Variants in SYNPO2 observed in about 807,000 individuals in gnomAD.
SYNPO2 encodes the protein synaptopodin 2, also known as synaptopodin-2.
Under a neutral mutation model 85.0 loss-of-function variants are expected in SYNPO2, and 56 were observed. That is an observed-to-expected ratio of 0.66 (90% CI 0.53 to 0.82). SYNPO2 has a LOEUF of 0.82. SYNPO2 is among the 40% of genes least tolerant of loss of function. The pLI, the probability that SYNPO2 is intolerant of heterozygous loss-of-function variation, is 0.00. For synonymous variants in SYNPO2, 602 were observed against 591.1 expected (o/e 1.02, Z -0.27); for missense variants, 1,575 against 1,534.2 (o/e 1.03, Z -0.44).
chr4:118,957,488 C>T, intron 1 of SYNPO2, among the ~76,000 whole-genome samples: 1 of 152,110 alleles, frequency 6.6e-6, no homozygotes, highest in Non-Finnish European at 1.5e-5. Context: ...GTAACCTCTT[C>T]AGACTTTTTG....
At chr4:118,858,513 C>G (rs1258403359) in intron 1 of SYNPO2, among the ~76,000 whole-genome samples, 1 of 152,270 alleles carries the variant, frequency 6.6e-6, no homozygotes, top group East Asian at 1.9e-4. Flanking sequence ...AAATCCCTTT[C>G]TCTATGAAGG....
rs1213207877 is a variant in SYNPO2 at position 119,026,724 on chromosome 4, C to A, written c.355C>A (p.Gln119Lys). Residue 119 changes from glutamine to lysine, a missense_variant, in exon 3 of 5, where the codon CAG becomes AAG. Gln to Lys is a moderately conservative substitution (Grantham distance 53, BLOSUM62 1). Transcript: ENST00000307142. ...GGGTTATGTGGAAAGTACCACCCTG[C>A]AGATTCGACCGGCCACAAAGACCCA... ...HGGYVESTTL[Q>K]IRPATKTQCT... is the part of the protein sequence containing the mutation. The A allele has an allele frequency of 2.5e-6, 4 of 1,614,088 alleles. No homozygotes were observed. Among genetic ancestry groups the A allele is most frequent in the African/African-American group, 1.3e-5 (1 of 74,918 alleles).
rs1430877482 is a variant in SYNPO2, at chr4:119,018,178, A to C, written c.106-5252A>C. ...TGGATCAAGAAATGGAAATCCTCAC[A>C]TGTGAGTGAGAATGAGCAATATTTG... On this transcript the variant is annotated intron_variant, in intron 1 of 4. Coordinates refer to ENST00000307142, the MANE Select transcript of SYNPO2 (RefSeq NM_133477.3). Among the ~76,000 whole-genome samples, 6 of 152,112 alleles carry C rather than the reference A, an allele frequency of 3.9e-5. No individual in the cohort carries two copies. The East Asian group carries it at 1.2e-3, about 29-fold the overall frequency.
chr4:118,919,224 C>T (rs1467427765), intron 1 of SYNPO2, among the ~76,000 whole-genome samples: 1 of 150,352 alleles, frequency 6.7e-6, no homozygotes. Context: ...AAGCGCTAGT[C>T]GATCATTGCA....
intron 4 of SYNPO2, 51 bp from the exon 5 acceptor site, chr4:119,057,350 T>C: frequency 6.6e-7 from 1 of 1,506,642 alleles, no homozygotes; most frequent in Non-Finnish European, 8.9e-7. Context: ...GGAGTAACAA[T>C]CAGCACAAAC....
chr4:118,897,975 A>T (rs1732601969), intron 1 of SYNPO2, among the ~76,000 whole-genome samples: 1 of 152,186 alleles, frequency 6.6e-6, no homozygotes, highest in African/African-American at 2.4e-5. Flanking sequence ...TTTATTTGAA[A>T]CTTTTATTTC....
At chr4:118,900,782 T>TCTATCTAC (rs1455274930) in intron 1 of SYNPO2, among the ~76,000 whole-genome samples, 198 of 147,344 alleles carry the variant, frequency 1.3e-3, no homozygotes, top group African/African-American at 4.7e-3. Flanking sequence ...TATCTATCTA[T>TCTATCTAC]CTATAGATAT....
chr4:119,007,266 A>G (rs79086876), intron 1 of SYNPO2, among the ~76,000 whole-genome samples: 57 of 63,268 alleles, frequency 9.0e-4, no homozygotes, highest in Non-Finnish European at 1.1e-3. Flanking sequence ...ATATATATAT[A>G]TATATATATG....
chr4:119,058,087 T>C lies in SYNPO2; in HGVS notation c.*153T>C, dbSNP rs1739274311. The C allele has an allele frequency of 3.0e-6, 2 of 667,616 alleles. No homozygotes were observed. Among genetic ancestry groups the C allele is most frequent in the East Asian group, 5.8e-5 (2 of 34,746 alleles). 41.4% of individuals were successfully genotyped at this position (667,616 alleles called of 1,614,324 possible). A position where few individuals can be genotyped will look rare whatever the true frequency, so the allele number is the denominator to read the frequency against. On this transcript the variant is annotated 3_prime_UTR_variant, in exon 5 of 5. Transcript: ENST00000307142. ...CTAAGTTTGTGTTTCTGTGTGTGTGTGTGTGTGTGTATGTATGTGAATATA... is the reference window on the plus strand; with the variant it reads ...CTAAGTTTGTGTTTCTGTGTGTGTGCGTGTGTGTGTATGTATGTGAATATA...
At chr4:119,005,871 A>G (rs1242740982) in intron 1 of SYNPO2, among the ~76,000 whole-genome samples, 6 of 152,252 alleles carry the variant, frequency 3.9e-5, no homozygotes, top group Non-Finnish European at 7.3e-5. Flanking sequence ...GAGCATTAAC[A>G]CTAAGCTAGT....
intron 1 of SYNPO2, among the ~76,000 whole-genome samples, chr4:118,962,101 G>T (rs997120680): frequency 3.3e-5 from 5 of 152,138 alleles, no homozygotes; most frequent in African/African-American, 1.2e-4. Flanking sequence ...GTAACTGATG[G>T]TTCATGTGGT....
chr4:119,016,012 G>A (rs1386440403), intron 1 of SYNPO2, among the ~76,000 whole-genome samples: 2 of 152,152 alleles, frequency 1.3e-5, no homozygotes, highest in African/African-American at 4.8e-5. Context: ...AAATAGAATT[G>A]TATAAAATTG....
chr4:119,015,800 A>G (rs1346622637), intron 1 of SYNPO2, among the ~76,000 whole-genome samples: 1 of 152,200 alleles, frequency 6.6e-6, no homozygotes, highest in East Asian at 1.9e-4. Flanking sequence ...ATTAAATCCT[A>G]TTGAGCATAT....
chr4:118,890,786 G>A (rs552534005), intron 1 of SYNPO2, among the ~76,000 whole-genome samples: 1 of 149,922 alleles, frequency 6.7e-6, no homozygotes, highest in Admixed American at 6.7e-5. Context: ...TTTTAACTTA[G>A]GTGGTAAAGA....
At position 119,031,287 on chromosome 4, in the gene SYNPO2, C is replaced by T; in HGVS notation, c.2512C>T (p.Gln838Ter). ...AGGACCACAAGCAGCAGTAGCCAGT[C>T]AGAATTACACACCCAAACCAACAGT... ...FKGPQAAVAS[Q>*]NYTPKPTVST... The change falls in exon 4 of 5, where the codon CAG becomes TAG. Residue 838 changes from glutamine to a stop codon, truncating the protein, a stop_gained. Coordinates refer to ENST00000307142, the MANE Select transcript of SYNPO2 (RefSeq NM_133477.3). LOFTEE classifies it high-confidence loss of function. 6.2e-7 allele frequency: 1 copy of T among 1,614,202 alleles called. No homozygotes were observed. The highest frequency in any genetic ancestry group is 8.5e-7 in the Non-Finnish European group (1 of 1,180,038).
chr4:119,011,368 A>T (rs1446096475), intron 1 of SYNPO2, among the ~76,000 whole-genome samples: 2 of 152,204 alleles, frequency 1.3e-5, no homozygotes, highest in Non-Finnish European at 1.5e-5. Context: ...TGATTGCCTT[A>T]TGACCTTACC....
chr4:119,034,326 A>G (rs1325056253), intron 4 of SYNPO2: 9 of 981,006 alleles, frequency 9.2e-6, no homozygotes, highest in Non-Finnish European at 1.1e-5. Context: ...GCTTAAAAGT[A>G]TCCTAGGATG....
intron 4 of SYNPO2, chr4:119,035,184 T>A (rs1738457484): frequency 1.0e-6 from 1 of 985,336 alleles, no homozygotes. Context: ...CTGCAGGACC[T>A]TAAACATTTC....
chr4:119,022,231 C>T (rs924733027), intron 1 of SYNPO2, among the ~76,000 whole-genome samples: 2 of 152,030 alleles, frequency 1.3e-5, no homozygotes, highest in African/African-American at 4.8e-5. Context: ...ATAGTCATGG[C>T]GTTTCATTCA....
Sources: allele counts gnomAD v4.1 joint callset (sites outside exome capture counted in the v4.1 genomes callset), GRCh38; gene constraint gnomAD v4.1.1; transcripts MANE v1.5; gene names NCBI Gene and HGNC (gene_info 2026-07-23, HGNC 2026-07-21).